Variants in ANKFY1 observed in about 807,000 individuals in gnomAD.
ANKFY1 encodes ankyrin repeat and FYVE domain-containing protein 1.
A neutral mutation model predicts 128.3 loss-of-function variants in ANKFY1; 47 were observed. That is an observed-to-expected ratio of 0.37 (90% CI 0.29 to 0.47). The LOEUF is 0.47. ANKFY1 is among the 20% of genes least tolerant of loss of function. ANKFY1 has a pLI of 1.00. For missense variants in ANKFY1, 1,222 were observed against 1,510.6 expected, an observed-to-expected ratio of 0.81 and a Z score of 3.17; for synonymous variants, 553 against 601.6, an observed-to-expected ratio of 0.92 and a Z score of 1.18.
Position 4,233,367 on chromosome 17 carries a change from T to TAA in ANKFY1, c.322+2403_322+2404dup, listed in dbSNP as rs553041541. On this transcript the variant is annotated intron_variant, in intron 3 of 24. Transcript: ENST00000341657. ...TACATGGTTTCAAAACACTATGCTT[T>TAA]AAAAAAAAAAAAAGCTATCCCTCGA... Among the ~76,000 whole-genome samples the TAA allele has an allele frequency of 4.9e-5, 7 of 143,004 alleles. 1 individual carries two copies. In the South Asian group the frequency reaches 1.5e-3, roughly 31 times the overall value. The allele number at this position is 143,004 out of a possible 152,430, so 93.8% of individuals were successfully genotyped here. A position where few individuals can be genotyped will look rare whatever the true frequency, so the allele number is the denominator to read the frequency against.
At chr17:4,184,736 G>A (rs1598030281) in intron 12 of ANKFY1, 82 bp downstream of exon 12, 6 of 1,481,550 alleles carry the variant, frequency 4.0e-6, no homozygotes, top group Non-Finnish European at 5.6e-6. Flanking sequence ...CTCACCAACA[G>A]AAAAAACATC....
intron 3 of ANKFY1, among the ~76,000 whole-genome samples, chr17:4,225,363 A>G (rs1223231396): frequency 6.6e-6 from 1 of 152,200 alleles, no homozygotes; most frequent in African/African-American, 2.4e-5. Flanking sequence ...TCTCAAAAAG[A>G]AAAGTTTTTG....
chr17:4,263,726 G>C (rs1209705270), intron 1 of ANKFY1: 3 of 1,479,994 alleles, frequency 2.0e-6, no homozygotes, highest in Middle Eastern at 2.0e-4. Context: ...CCGCGGGGTC[G>C]GCATCGCGGG....
chr17:4,217,159 G>A, intron 3 of ANKFY1, 41 bp from the exon 4 acceptor site: 1 of 1,595,156 alleles, frequency 6.3e-7, no homozygotes, highest in East Asian at 2.2e-5. Flanking sequence ...AGCATAGAAT[G>A]ACATGCTTAG....
At position 4,194,983 on chromosome 17, in the gene ANKFY1, G is replaced by A. The variant is rs62064367; in HGVS notation, c.1367C>T (p.Ala456Val). ...TCGGGAGGCACGTGCTTTACCTGTC[G>A]CCGTGTCAGGTGCGTCTGTGTGGCT... is the stretch of plus-strand genomic sequence containing the variant. ...RGSHTDAPDT[A>V]TGNCLLQRAA... Residue 456 changes from alanine (A) to valine (V), a missense_variant, in exon 10 of 25, where the codon GCG becomes GTG. By Grantham distance (64) the Ala-to-Val change is moderately conservative (BLOSUM62 0). Coordinates refer to ENST00000341657, the MANE Select transcript of ANKFY1 (RefSeq NM_001330063.2). 23 of 1,614,056 alleles carry A rather than the reference G, an allele frequency of 1.4e-5. 1 individual carries two copies. The highest frequency in any genetic ancestry group is 2.2e-5 in the South Asian group (2 of 91,088).
chr17:4,198,274 A>C (rs929309669), intron 7 of ANKFY1, among the ~76,000 whole-genome samples: 1 of 151,976 alleles, frequency 6.6e-6, no homozygotes, highest in East Asian at 1.9e-4. Context: ...CTTGTACCTA[A>C]CTAAGCAACA....
chr17:4,254,617 C>A (rs1306630878), intron 1 of ANKFY1, among the ~76,000 whole-genome samples: 1 of 152,200 alleles, frequency 6.6e-6, no homozygotes, highest in African/African-American at 2.4e-5. Context: ...TTTAAGCCAT[C>A]TAGCTTGTGG....
intron 16 of ANKFY1, chr17:4,180,252 AC>A (rs2059486133): frequency 5.8e-6 from 1 of 173,012 alleles, no homozygotes. Context: ...ACGTGACGAA[AC>A]CCCCTCTCTG....
At position 4,178,482 on chromosome 17, in the gene ANKFY1, T is replaced by G; in HGVS notation, c.2598+375A>C. The G allele has an allele frequency of 4.0e-6, 1 of 252,840 alleles. No homozygotes were observed. Among genetic ancestry groups the G allele is most frequent in the East Asian group, 8.3e-5 (1 of 12,022 alleles). The allele number at this position is 252,840 out of a possible 1,614,324, so 15.7% of individuals were successfully genotyped here. A position where few individuals can be genotyped will look rare whatever the true frequency, so the allele number is the denominator to read the frequency against. ...CGAGGCTACTGAGCAACTGAACTCC[T>G]CGGAAACACTCAGGAAGTTGCCCCA... On this transcript the variant is annotated intron_variant, in intron 18 of 24. Coordinates refer to ENST00000341657, the MANE Select transcript of ANKFY1 (RefSeq NM_001330063.2). The surrounding 1 kb of genome is among the most constrained non-coding windows in gnomAD (Gnocchi z 4.1).
chr17:4,235,625 A>G (rs1157012192), intron 3 of ANKFY1, 147 bp downstream of exon 3: 1 of 653,168 alleles, frequency 1.5e-6, no homozygotes, highest in African/African-American at 1.8e-5. Context: ...CTGATTCATT[A>G]ATTATTTAAC....
rs142853319 is a variant in ANKFY1, at chr17:4,187,095, C to T, written c.1471-2049G>A. ...GGTGATTTCTTAATGTTAGTGCACC[C>T]GTCACCTGAGCAGTGTACACTGTAC... On this transcript the variant is annotated intron_variant, in intron 11 of 24. Coordinates refer to ENST00000341657, the MANE Select transcript of ANKFY1 (RefSeq NM_001330063.2). The T allele has an allele frequency of 5.4e-4, 552 of 1,015,340 alleles. 2 individuals carry two copies. In the African/African-American group the frequency reaches 8.3e-3, roughly 15 times the overall value. 62.9% of individuals were successfully genotyped at this position (1,015,340 alleles called of 1,614,324 possible).
At chr17:4,226,935 G>A (rs978179027) in intron 3 of ANKFY1, among the ~76,000 whole-genome samples, 1 of 151,938 alleles carries the variant, frequency 6.6e-6, no homozygotes, top group African/African-American at 2.4e-5. Context: ...ATTAAAAGGA[G>A]AAAACTACAA....
chr17:4,230,374 G>C (rs1399612277), intron 3 of ANKFY1, among the ~76,000 whole-genome samples: 3 of 152,154 alleles, frequency 2.0e-5, no homozygotes, highest in African/African-American at 7.2e-5. Flanking sequence ...CTTTGCTTGA[G>C]AAAGTATGCA....
chr17:4,183,316 CT>C (rs1388981458), intron 14 of ANKFY1, 81 bp downstream of exon 14: 1 of 1,533,902 alleles, frequency 6.5e-7, no homozygotes. Context: ...AACAAAAACA[CT>C]TTTCTACAAG....
chr17:4,209,318 G>A (rs1158962513), intron 5 of ANKFY1, among the ~76,000 whole-genome samples: 3 of 152,060 alleles, frequency 2.0e-5, no homozygotes, highest in African/African-American at 4.8e-5. Flanking sequence ...TGGGGGGGCG[G>A]GAGACGGAGT....
At chr17:4,255,023 G>C (rs150552486) in intron 1 of ANKFY1, among the ~76,000 whole-genome samples, 324 of 152,118 alleles carry the variant, frequency 2.1e-3, no homozygotes, top group African/African-American at 7.4e-3. Context: ...TCCAGTATCA[G>C]AACACCAAGA....
At chr17:4,223,808 A>G in intron 3 of ANKFY1, 1 of 1,452,914 alleles carries the variant, frequency 6.9e-7, no homozygotes, top group South Asian at 1.2e-5. Flanking sequence ...AGTTTCATGC[A>G]GGCCTGGGGG....
chr17:4,183,264 G>C (rs2059548007), intron 14 of ANKFY1, 134 bp downstream of exon 14: 1 of 1,032,568 alleles, frequency 9.7e-7, no homozygotes, highest in African/African-American at 1.6e-5. Context: ...CCGCAGTTGT[G>C]TGTTTCTAGA....
Position 4,216,989 on chromosome 17 carries a change from C to G in ANKFY1, c.452G>C (p.Arg151Thr). Residue 151 changes from arginine (R) to threonine (T), a missense_variant, in exon 4 of 25, where the codon AGG becomes ACG. Coordinates refer to ENST00000341657, the MANE Select transcript of ANKFY1 (RefSeq NM_001330063.2). Reference sequence around the variant, plus strand: ...TATATCTGCTGTGACTTGCCTCTCCCTGAGGAGCTGTAGCTGAAACCGATT... The same window carrying G: ...TATATCTGCTGTGACTTGCCTCTCCGTGAGGAGCTGTAGCTGAAACCGATT... ...LANRFQLQLL[R>T]ERCEKGVMSL... The G allele has an allele frequency of 1.2e-6, 2 of 1,614,136 alleles. No individual in the cohort carries two copies. The highest frequency in any genetic ancestry group is 1.7e-6 in the Non-Finnish European group (2 of 1,179,998).
Sources: allele counts gnomAD v4.1 joint callset (sites outside exome capture counted in the v4.1 genomes callset), GRCh38; gene constraint gnomAD v4.1.1; non-coding constraint Gnocchi (gnomAD v3.1); transcripts MANE v1.5; gene names NCBI Gene and HGNC (gene_info 2026-07-23, HGNC 2026-07-21).